Variants in CHL1 observed in about 807,000 individuals in gnomAD.
CHL1 encodes the protein neural cell adhesion molecule L1-like protein.
In CHL1, 96 loss-of-function variants were observed where a neutral mutation model predicts 141.9. That is an observed-to-expected ratio of 0.68 (90% CI 0.57 to 0.80). The LOEUF is 0.80. Ranked by LOEUF, CHL1 falls within the 30% of genes least tolerant of loss-of-function variation. The probability of loss-of-function intolerance (pLI) is 0.00; values close to 1 mark genes in which losing one functional copy is unlikely to be tolerated. For synonymous variants in CHL1, 613 were observed against 502.2 expected (o/e 1.22, Z -2.95); for missense variants, 1,820 against 1,457.2 (o/e 1.25, Z -4.05).
At chr3:366,288 C>T (rs779956254) in intron 15 of CHL1, among the ~76,000 whole-genome samples, 173 bp downstream of exon 15, 3 of 151,880 alleles carry the variant, frequency 2.0e-5, no homozygotes, top group African/African-American at 7.3e-5. Flanking sequence ...CTGACCAACA[C>T]GGTGAAACCC....
At chr3:350,024 G>C (rs1238985743) in intron 10 of CHL1, among the ~76,000 whole-genome samples, 1 of 152,170 alleles carries the variant, frequency 6.6e-6, no homozygotes, top group African/African-American at 2.4e-5. Context: ...GCAAATTGTT[G>C]TGTCAGCTCT....
At chr3:308,806 C>G (rs1312375541) in intron 2 of CHL1, 1 of 160,698 alleles carries the variant, frequency 6.2e-6, no homozygotes, top group African/African-American at 2.4e-5. Flanking sequence ...ACGGCCCCAT[C>G]CTTATGCGAT....
chr3:360,201 A>G (rs1704099707), intron 11 of CHL1, 83 bp from the exon 12 acceptor site: 17 of 1,485,248 alleles, frequency 1.1e-5, no homozygotes, highest in Non-Finnish European at 1.5e-5. Context: ...AAATATAAAT[A>G]CTGTGTGACA....
At chr3:368,134 A>G (rs1167700767) in intron 15 of CHL1, among the ~76,000 whole-genome samples, 2 of 152,166 alleles carry the variant, frequency 1.3e-5, no homozygotes, top group Admixed American at 6.5e-5. Context: ...TGCTGGGTCA[A>G]ATGGTATTTC....
chr3:200,528 C>T (rs1330393509), intron 1 of CHL1, among the ~76,000 whole-genome samples: 1 of 152,164 alleles, frequency 6.6e-6, no homozygotes, highest in African/African-American at 2.4e-5. Flanking sequence ...TTCATTCTGA[C>T]TAATTCAGTC....
intron 2 of CHL1, among the ~76,000 whole-genome samples, chr3:308,410 T>G (rs1237151354): frequency 6.6e-6 from 1 of 152,044 alleles, no homozygotes; most frequent in East Asian, 1.9e-4. Context: ...TTATTTTAGT[T>G]TTATAAGTAA....
At chr3:287,650 C>T (rs1178885001) in intron 2 of CHL1, among the ~76,000 whole-genome samples, 1 of 152,176 alleles carries the variant, frequency 6.6e-6, no homozygotes, top group Admixed American at 6.5e-5. Context: ...TAGTAAGATG[C>T]TTTAATTTAC....
intron 2 of CHL1, among the ~76,000 whole-genome samples, chr3:302,046 G>C (rs1698795580): frequency 6.6e-6 from 1 of 152,182 alleles, no homozygotes; most frequent in African/African-American, 2.4e-5. Flanking sequence ...ATGGTTTCCA[G>C]CTTTATCCAT....
chr3:311,204 A>T (rs990021082), intron 2 of CHL1, among the ~76,000 whole-genome samples: 7 of 152,196 alleles, frequency 4.6e-5, no homozygotes, highest in African/African-American at 9.7e-5. Context: ...TTTTTTGTGG[A>T]CATAAGTTTT....
At position 251,533 on chromosome 3, in the gene CHL1, T is replaced by C. The variant is rs565682427; in HGVS notation, c.-95+6841T>C. Reference sequence around the variant, plus strand: ...CAATGTGATCTTAGGCAAACCATTTTATCTCTTTGAGTTTCAATTTCACAC... The same window carrying C: ...CAATGTGATCTTAGGCAAACCATTTCATCTCTTTGAGTTTCAATTTCACAC... On this transcript the variant is annotated intron_variant, in intron 2 of 27. Coordinates refer to ENST00000256509, the MANE Select transcript of CHL1 (RefSeq NM_006614.4). Among the ~76,000 whole-genome samples the C allele has an allele frequency of 3.3e-5, 5 of 152,270 alleles. No individual in the cohort carries two copies. In the South Asian group the frequency reaches 1.0e-3, roughly 32 times the overall value.
chr3:298,904 G>T (rs2124882558), intron 2 of CHL1, among the ~76,000 whole-genome samples: 1 of 152,292 alleles, frequency 6.6e-6, no homozygotes, highest in Non-Finnish European at 1.5e-5. Flanking sequence ...TAAATAACTT[G>T]TGTGACACAG....
chr3:248,235 A>T (rs907212236), intron 2 of CHL1: 1 of 152,098 alleles, frequency 6.6e-6, no homozygotes, highest in Non-Finnish European at 1.5e-5. Context: ...TCAAGTACAC[A>T]AATAAATTTG....
chr3:325,295 T>G (rs1559256930), intron 3 of CHL1, among the ~76,000 whole-genome samples: 1 of 152,064 alleles, frequency 6.6e-6, no homozygotes, highest in Non-Finnish European at 1.5e-5. Flanking sequence ...CCACTCTATT[T>G]TTGTTATTTG....
At chr3:234,004 A>G (rs191216888) in intron 1 of CHL1, among the ~76,000 whole-genome samples, 1 of 152,184 alleles carries the variant, frequency 6.6e-6, no homozygotes, top group East Asian at 1.9e-4. Flanking sequence ...CAAAATGCTC[A>G]TAATATTATG....
intron 15 of CHL1, among the ~76,000 whole-genome samples, chr3:372,137 A>C (rs371175530): frequency 2.9e-3 from 434 of 152,058 alleles, no homozygotes; most frequent in African/African-American, 0.01. Context: ...TATTTCCTTA[A>C]TTTGCATGTT....
intron 1 of CHL1, among the ~76,000 whole-genome samples, chr3:243,265 C>T (rs989416253): frequency 6.6e-6 from 1 of 152,164 alleles, no homozygotes; most frequent in Admixed American, 6.5e-5. Flanking sequence ...ATGCTGGACA[C>T]AGCAACATGG....
Position 222,899 on chromosome 3 carries a change from A to T in CHL1, c.-174-21714A>T, listed in dbSNP as rs376480093. On this transcript the variant is annotated intron_variant, in intron 1 of 27. Coordinates refer to ENST00000256509, the MANE Select transcript of CHL1 (RefSeq NM_006614.4). Reference sequence around the variant, plus strand: ...CTGTGTTTTTTTAGTGCCATCCTTCATTTTTATAGCCAGCAGTATAGCATC... The same window carrying T: ...CTGTGTTTTTTTAGTGCCATCCTTCTTTTTTATAGCCAGCAGTATAGCATC... Among the ~76,000 whole-genome samples, 469 of 152,210 alleles carry T rather than the reference A, an allele frequency of 3.1e-3. 4 individuals carry two copies. Among genetic ancestry groups the T allele is most frequent in the African/African-American group, 0.011 (439 of 41,538 alleles).
At chr3:323,551 TA>T (rs1189802538) in intron 3 of CHL1, among the ~76,000 whole-genome samples, 19 of 152,124 alleles carry the variant, frequency 1.2e-4, no homozygotes, top group Non-Finnish European at 2.8e-4. Context: ...AATGAATGTT[TA>T]AAAAACTACA....
intron 23 of CHL1, among the ~76,000 whole-genome samples, chr3:393,232 C>CAAA (rs61149354): frequency 5.3e-5 from 5 of 94,678 alleles, no homozygotes; most frequent in African/African-American, 1.1e-4. Flanking sequence ...GACTCCGTCT[C>CAAA]AAAAAAAAAA....
Sources: allele counts gnomAD v4.1 joint callset (sites outside exome capture counted in the v4.1 genomes callset), GRCh38; gene constraint gnomAD v4.1.1; transcripts MANE v1.5; gene names NCBI Gene and HGNC (gene_info 2026-07-23, HGNC 2026-07-21).